ANKRD44: variants seen among roughly 807,000 people sequenced by gnomAD.
ANKRD44 encodes the protein ankyrin repeat domain 44, also known as serine/threonine-protein phosphatase 6 regulatory ankyrin repeat subunit B.
In ANKRD44, 35 loss-of-function variants were observed where a neutral mutation model predicts 116.0. The observed-to-expected ratio is 0.30, with a 90% CI of 0.23 to 0.40. ANKRD44 has a LOEUF of 0.40. ANKRD44 is among the 10% of genes least tolerant of loss of function. The pLI is 1.00. For missense variants in ANKRD44, 1,014 were observed against 1,242.6 expected, an observed-to-expected ratio of 0.82 and a Z score of 2.77; for synonymous variants, 435 against 461.8, an observed-to-expected ratio of 0.94 and a Z score of 0.74.
At chr2:197,310,421 C>G (rs1200324204) in intron 1 of ANKRD44, among the ~76,000 whole-genome samples, 157 bp downstream of exon 1, 1 of 147,338 alleles carries the variant, frequency 6.8e-6, no homozygotes, top group African/African-American at 2.4e-5. Flanking sequence ...GAGCTGCCGC[C>G]GCGGGCTCTC....
intron 1 of ANKRD44, among the ~76,000 whole-genome samples, chr2:197,275,557 A>G (rs2083053930): frequency 6.6e-6 from 1 of 152,114 alleles, no homozygotes; most frequent in Non-Finnish European, 1.5e-5. Flanking sequence ...ATATGTACAG[A>G]GCACCATGTT....
intron 16 of ANKRD44, among the ~76,000 whole-genome samples, chr2:197,070,414 T>C (rs1428574721): frequency 6.6e-6 from 1 of 151,932 alleles, no homozygotes; most frequent in Non-Finnish European, 1.5e-5. Context: ...TCTAGGAGAG[T>C]TTTTTGTTGT....
At chr2:197,026,384 G>A (rs187081721) in intron 16 of ANKRD44, among the ~76,000 whole-genome samples, 6 of 152,340 alleles carry the variant, frequency 3.9e-5, no homozygotes, top group African/African-American at 1.2e-4. Context: ...TTTATGTAGG[G>A]TGATTAGGGA....
chr2:197,165,596 A>G lies in ANKRD44; in HGVS notation c.112-18491T>C, dbSNP rs74537528. Among the ~76,000 whole-genome samples the G allele has an allele frequency of 2.5e-3, 375 of 152,362 alleles. 3 individuals carry two copies. The highest frequency in any genetic ancestry group is 8.8e-3 in the African/African-American group (365 of 41,584). On this transcript the variant is annotated intron_variant, in intron 2 of 27. Transcript: ENST00000282272. ...GAGGCACTCAGCACTAGAGATGCTC[A>G]GAAAATGCTGTTCCATGTCTAGAAG... is the stretch of plus-strand genomic sequence containing the variant.
intron 4 of ANKRD44, among the ~76,000 whole-genome samples, chr2:197,131,954 A>G (rs2079107420): frequency 6.6e-6 from 1 of 152,246 alleles, no homozygotes; most frequent in Non-Finnish European, 1.5e-5. Flanking sequence ...CACAGGAAAT[A>G]ATATGAAATA....
intron 9 of ANKRD44, among the ~76,000 whole-genome samples, chr2:197,107,886 C>T (rs1422201022): frequency 4.6e-5 from 7 of 152,196 alleles, no homozygotes; most frequent in Non-Finnish European, 8.8e-5. Context: ...AAAAAAAGAA[C>T]TTCCTTTTCT....
chr2:197,129,952 G>C (rs1375660653), intron 4 of ANKRD44, among the ~76,000 whole-genome samples: 5 of 152,176 alleles, frequency 3.3e-5, no homozygotes, highest in Non-Finnish European at 7.3e-5. Flanking sequence ...TTATACAACT[G>C]TCTGTACTCT....
chr2:196,993,681 AAC>A lies in ANKRD44; in HGVS notation c.2832-9_2832-8del. On this transcript the variant is annotated splice_polypyrimidine_tract_variant and splice_region_variant and intron_variant, in intron 26 of 27. Transcript: ENST00000282272. Reference sequence around the variant, plus strand: ...CGCAGCGACGTGGAGGGGTCTAAAAAACACAAGACCGAGCATCAGTTGTGATA... The same window carrying A: ...CGCAGCGACGTGGAGGGGTCTAAAAAACAAGACCGAGCATCAGTTGTGATA... The A allele has an allele frequency of 6.5e-7, 1 of 1,550,302 alleles. No individual in the cohort carries two copies. Among genetic ancestry groups the A allele is most frequent in the Non-Finnish European group, 8.7e-7 (1 of 1,146,550 alleles).
chr2:197,126,848 G>A (rs1485999691), intron 4 of ANKRD44, among the ~76,000 whole-genome samples: 1 of 34,732 alleles, frequency 2.9e-5, no homozygotes, highest in Non-Finnish European at 1.2e-4. Context: ...CGGGAGTGGT[G>A]TTGTGGACCT....
chr2:197,288,031 A>AAG (rs1271014627), intron 1 of ANKRD44, among the ~76,000 whole-genome samples: 39 of 151,484 alleles, frequency 2.6e-4, no homozygotes, highest in South Asian at 2.1e-4. Flanking sequence ...AAAAAAAAAA[A>AAG]AAAAAGAAAA....
At chr2:197,236,713 C>CAAAAAAAAAAAAAAA (rs71012964) in intron 1 of ANKRD44, among the ~76,000 whole-genome samples, 7 of 105,242 alleles carry the variant, frequency 6.7e-5, no homozygotes, top group African/African-American at 1.6e-4. Flanking sequence ...ACAAACTACT[C>CAAAAAAAAAAAAAAA]AAAAAAAAAA....
Position 196,988,025 on chromosome 2 carries a change from G to A in ANKRD44, c.*1566C>T, listed in dbSNP as rs1417507634. Reference sequence around the variant, plus strand: ...GTTGATGTAATGAACAGTTCATTGTGAGCATGATTTCATTTCGTTCCTTTG... The same window carrying A: ...GTTGATGTAATGAACAGTTCATTGTAAGCATGATTTCATTTCGTTCCTTTG... On this transcript the variant is annotated 3_prime_UTR_variant, in exon 28 of 28. Coordinates refer to ENST00000282272, the MANE Select transcript of ANKRD44 (RefSeq NM_001195144.2). 1 of 985,262 alleles carries A rather than the reference G, an allele frequency of 1.0e-6. No homozygotes were observed. The highest frequency in any genetic ancestry group is 1.2e-6 in the Non-Finnish European group (1 of 829,918). The allele number at this position is 985,262 out of a possible 1,614,324, so 61.0% of individuals were successfully genotyped here.
intron 1 of ANKRD44, among the ~76,000 whole-genome samples, chr2:197,193,676 G>A (rs1200720073): frequency 3.9e-5 from 6 of 151,972 alleles, no homozygotes; most frequent in South Asian, 2.1e-4. Context: ...TCAGGAGATC[G>A]AGACCATCCT....
chr2:197,020,579 A>C (rs2125935566), intron 17 of ANKRD44, among the ~76,000 whole-genome samples: 1 of 152,252 alleles, frequency 6.6e-6, no homozygotes, highest in East Asian at 1.9e-4. Flanking sequence ...CCACAATCAA[A>C]GCCATCCTGG....
chr2:197,272,632 T>C (rs986294262), intron 1 of ANKRD44, among the ~76,000 whole-genome samples: 5 of 152,238 alleles, frequency 3.3e-5, no homozygotes, highest in African/African-American at 9.6e-5. Context: ...AAGTTTGTTT[T>C]GTTTTGTTTG....
At chr2:197,002,565 C>T (rs2076132113) in intron 21 of ANKRD44, among the ~76,000 whole-genome samples, 1 of 152,142 alleles carries the variant, frequency 6.6e-6, no homozygotes. Context: ...AATACCTGCC[C>T]TACCTATGTC....
chr2:197,246,965 A>C (rs2082206476), intron 1 of ANKRD44, among the ~76,000 whole-genome samples: 1 of 152,074 alleles, frequency 6.6e-6, no homozygotes, highest in Non-Finnish European at 1.5e-5. Context: ...AATAAAATCC[A>C]AACATTCGAG....
intron 1 of ANKRD44, among the ~76,000 whole-genome samples, chr2:197,238,886 G>A (rs1286675729): frequency 6.6e-6 from 1 of 152,000 alleles, no homozygotes; most frequent in African/African-American, 2.4e-5. Context: ...TGTATTTTCA[G>A]TAGAGACGGG....
rs575063684 is a variant in ANKRD44, at chr2:197,023,815, T to C, written c.1722+1381A>G. Among the ~76,000 whole-genome samples the C allele has an allele frequency of 1.7e-4, 26 of 152,322 alleles. No homozygotes were observed. The East Asian group carries it at 4.1e-3, about 24-fold the overall frequency. On this transcript the variant is annotated intron_variant, in intron 17 of 27. Transcript: ENST00000282272. ...GGCAGGGATTCTAGCAAGCAACCTG[T>C]ACTAAGGGCCAACTGGCATGAAGAT...
Sources: gnomAD v4.1 joint callset for allele counts (sites outside exome capture counted in the v4.1 genomes callset) on GRCh38, gnomAD v4.1.1 for gene constraint, MANE v1.5 for transcripts, NCBI Gene and HGNC (gene_info 2026-07-23, HGNC 2026-07-21) for gene names.